Variants in MASP1 observed in about 807,000 individuals in gnomAD.
MASP1 encodes the protein mannan-binding lectin serine protease 1.
MASP1 carries 59 observed loss-of-function variants against 77.1 expected under a neutral mutation model. That is an observed-to-expected ratio of 0.77 (90% CI 0.62 to 0.95). The LOEUF (loss-of-function observed/expected upper bound fraction) is 0.95, where lower values mean the gene tolerates loss of function less well. Among genes scored for constraint, MASP1 ranks in the 40% least tolerant of loss-of-function variants. The pLI, the probability that MASP1 is intolerant of heterozygous loss-of-function variation, is 0.00. For missense variants in MASP1, 885 were observed against 912.9 expected (o/e 0.97, Z 0.39); for synonymous variants, 362 against 354.5 (o/e 1.02, Z -0.24).
intron 6 of MASP1, 142 bp downstream of exon 6, chr3:187,253,026 G>A (rs1024345695): frequency 2.4e-5 from 24 of 1,021,238 alleles, no homozygotes; most frequent in East Asian, 4.9e-5. Flanking sequence ...GAGAAAGCAC[G>A]TGCCTTGGTC....
Position 187,236,176 on chromosome 3 carries a change from C to A in MASP1, c.1695G>T (p.Leu565=), listed in dbSNP as rs1553852641. 6.2e-7 allele frequency: 1 copy of A among 1,614,100 alleles called. No individual in the cohort carries two copies. Among genetic ancestry groups the A allele is most frequent in the Non-Finnish European group, 8.5e-7 (1 of 1,180,046 alleles). ...ALVQLQEPVP[L]GPHVMPVCLP... ...GGCAGACAGGCATAACGTGGGGTCC[C>A]AGGGGCACAGGCTCCTGCAGCTGCA... Residue 565 remains leucine (L), a synonymous_variant, in exon 11 of 11, where the codon CTG becomes CTT. Transcript: ENST00000296280.
intron 8 of MASP1, chr3:187,246,953 G>T: frequency 9.0e-7 from 1 of 1,113,282 alleles, no homozygotes. Flanking sequence ...CATGTAGAAT[G>T]GATTAGAAAC....
At chr3:187,265,852 T>C (rs1560024164) in intron 2 of MASP1, among the ~76,000 whole-genome samples, 1 of 152,172 alleles carries the variant, frequency 6.6e-6, no homozygotes. Flanking sequence ...TGAAACCTTA[T>C]CTTGGGTGCA....
In MASP1 at chr3:187,220,262, CT is replaced by C. The variant is rs1245385216; in HGVS notation, c.1910-2del. The C allele has an allele frequency of 1.2e-6, 2 of 1,613,750 alleles. No individual in the cohort carries two copies. Among genetic ancestry groups the C allele is most frequent in the Non-Finnish European group, 1.7e-6 (2 of 1,179,898 alleles). ...TCACCCGCACAGGCGTCCTTTCCCC[CT>C]AGGTGAAAAAGAGACATAGATGAAG... On this transcript the variant is annotated splice_acceptor_variant, in intron 15 of 15. Transcript: ENST00000337774. LOFTEE classifies it high-confidence loss of function.
At position 187,235,731 on chromosome 3, in the gene MASP1, G is replaced by T. The variant is rs773339336; in HGVS notation, c.2140C>A (p.Gln714Lys). The T allele has an allele frequency of 6.2e-7, 1 of 1,614,164 alleles. No individual in the cohort carries two copies. Among genetic ancestry groups the T allele is most frequent in the Non-Finnish European group, 8.5e-7 (1 of 1,180,026 alleles). ...VSNYVDWVWEQMGLPQSVVEP... is the reference protein window; with the variant it reads ...VSNYVDWVWEKMGLPQSVVEP... The stretch of plus-strand genomic sequence containing the variant: ...ACAACACTTTGTGGTAAGCCCATCT[G>T]CTCCCACACCCAGTCCACGTAATTG... The change falls in exon 11 of 11, where the codon CAG becomes AAG. Residue 714 changes from glutamine to lysine, a missense_variant. Transcript: ENST00000296280.
At chr3:187,264,881 C>CA (rs1245216570) in intron 2 of MASP1, among the ~76,000 whole-genome samples, 1 of 152,056 alleles carries the variant, frequency 6.6e-6, no homozygotes, top group African/African-American at 2.4e-5. Context: ...TAGAGTACAC[C>CA]ATCTTGGTGA....
At position 187,253,184 on chromosome 3, in the gene MASP1, G is replaced by A. The variant is rs1046848709; in HGVS notation, c.876C>T (p.Leu292=). 1 of 1,614,090 alleles carries A rather than the reference G, an allele frequency of 6.2e-7. No individual in the cohort carries two copies. The highest frequency in any genetic ancestry group is 8.5e-7 in the Non-Finnish European group (1 of 1,180,020). The change falls in exon 6 of 11, where the codon CTC becomes CTT. Residue 292 remains leucine, a synonymous_variant. Transcript: ENST00000296280. ...DNSGENRGWR[L]SYRAAGNECP... ...AGAGGTTACCTGCAGCCCTGTATGA[G>A]AGCCTCCAGCCCCGGTTCTCTCCCG...
At chr3:187,286,864 T>A (rs1159664314) in intron 1 of MASP1, among the ~76,000 whole-genome samples, 2 of 152,162 alleles carry the variant, frequency 1.3e-5, no homozygotes, top group East Asian at 3.9e-4. Flanking sequence ...CCTCTCCTAA[T>A]CTTTTCCTGC....
intron 9 of MASP1, chr3:187,243,041 A>G (rs906111940): frequency 3.5e-6 from 1 of 286,834 alleles, no homozygotes; most frequent in Non-Finnish European, 6.7e-6. Context: ...GCCCTCACCC[A>G]GAAGCCAAGG....
chr3:187,250,529 G>C (rs1714485831), intron 7 of MASP1, among the ~76,000 whole-genome samples, 200 bp from the exon 8 acceptor site: 2 of 152,186 alleles, frequency 1.3e-5, no homozygotes, highest in South Asian at 4.1e-4. Flanking sequence ...ACTCTGGAGA[G>C]GGGCAAGGGC....
chr3:187,253,847 G>A (rs542579530), intron 5 of MASP1, among the ~76,000 whole-genome samples: 6 of 152,144 alleles, frequency 3.9e-5, no homozygotes, highest in South Asian at 4.2e-4. Context: ...AGGGGGTGGC[G>A]GGGCAAGGGG....
chr3:187,247,323 G>A (rs1315602594), intron 8 of MASP1: 1 of 1,614,006 alleles, frequency 6.2e-7, no homozygotes, highest in East Asian at 2.2e-5. Context: ...ATTGTGTGGG[G>A]TCCCGTCATT....
chr3:187,253,602 T>C (rs555500724), intron 5 of MASP1, among the ~76,000 whole-genome samples: 110 of 152,294 alleles, frequency 7.2e-4, no homozygotes, highest in African/African-American at 2.0e-3. Flanking sequence ...CAAATGCCCA[T>C]CAATGATAGA....
In MASP1 at chr3:187,226,194, AC is replaced by A. The variant is rs1462574332; in HGVS notation, c.1555+212del. 1.0e-5 allele frequency: 6 copies of A among 577,774 alleles called. No individual in the cohort carries two copies. In the African/African-American group the frequency reaches 1.1e-4, roughly 11 times the overall value. 35.8% of individuals were successfully genotyped at this position (577,774 alleles called of 1,614,324 possible). On this transcript the variant is annotated intron_variant, in intron 12 of 15. Transcript: ENST00000337774. The stretch of plus-strand genomic sequence containing the variant: ...GGCCTCCTCATTTTATCGTTGTGAA[AC>A]TGAAGCATAGACTTCAATGCCTTCT...
Position 187,236,171 on chromosome 3 carries a change from G to T in MASP1, c.1700C>A (p.Pro567His), listed in dbSNP as rs956840000. 3 of 1,614,044 alleles carry T rather than the reference G, an allele frequency of 1.9e-6. No homozygotes were observed. Among genetic ancestry groups the T allele is most frequent in the Non-Finnish European group, 1.7e-6 (2 of 1,180,040 alleles). The change falls in exon 11 of 11, where the codon CCC becomes CAC. Residue 567 changes from proline (P) to histidine (H), a missense_variant. Coordinates refer to ENST00000296280, the MANE Select transcript of MASP1 (RefSeq NM_139125.4). ...TGGCAGGCAGACAGGCATAACGTGG[G>T]GTCCCAGGGGCACAGGCTCCTGCAG... is the stretch of plus-strand genomic sequence containing the variant. ...VQLQEPVPLG[P>H]HVMPVCLPRL... is the part of the protein sequence containing the mutation.
intron 8 of MASP1, chr3:187,247,392 C>G: frequency 6.2e-7 from 1 of 1,613,854 alleles, no homozygotes; most frequent in Non-Finnish European, 8.5e-7. Context: ...TTTTCTGCCA[C>G]CATGGTGAAG....
At chr3:187,284,253 G>A (rs545188892) in intron 2 of MASP1, among the ~76,000 whole-genome samples, 29 of 152,162 alleles carry the variant, frequency 1.9e-4, no homozygotes, top group South Asian at 6.2e-4. Flanking sequence ...AATTTCCACC[G>A]TCCCTAGCAC....
At chr3:187,287,314 T>G (rs1425625778) in intron 1 of MASP1, among the ~76,000 whole-genome samples, 1 of 152,136 alleles carries the variant, frequency 6.6e-6, no homozygotes, top group Non-Finnish European at 1.5e-5. Flanking sequence ...CCAGCCTCAT[T>G]GCATGTGCCC....
Position 187,247,326 on chromosome 3 carries a change from C to T in MASP1, c.1090+2925G>A, listed in dbSNP as rs1195706021. On this transcript the variant is annotated intron_variant, in intron 8 of 10. Transcript: ENST00000296280. ...CTGGATGTCTGCATTGTGTGGGGTC[C>T]CGTCATTCACTCTGTCACTTGCTCT... The T allele has an allele frequency of 2.5e-6, 4 of 1,613,826 alleles. No individual in the cohort carries two copies. The African/African-American group carries it at 5.3e-5, about 22-fold the overall frequency.
Sources: allele counts gnomAD v4.1 joint callset (sites outside exome capture counted in the v4.1 genomes callset), GRCh38; gene constraint gnomAD v4.1.1; transcripts MANE v1.5; gene names NCBI Gene and HGNC (gene_info 2026-07-23, HGNC 2026-07-21).